The following PDE6B variants were observed in gnomAD, a reference collection of about 807,000 sequenced individuals.
The protein encoded by PDE6B is rod cGMP-specific 3',5'-cyclic phosphodiesterase subunit beta.
A neutral mutation model predicts 109.0 loss-of-function variants in PDE6B; 106 were observed. That is an observed-to-expected ratio of 0.97 (90% CI 0.83 to 1.14). The LOEUF (loss-of-function observed/expected upper bound fraction) is 1.14, where lower values mean the gene tolerates loss of function less well. PDE6B is among the 50% of genes most tolerant of loss of function. The pLI, the probability that PDE6B is intolerant of heterozygous loss-of-function variation, is 0.00. For synonymous variants in PDE6B, 490 were observed against 471.3 expected, an observed-to-expected ratio of 1.04 and a Z score of -0.51; for missense variants, 1,193 against 1,155.6, an observed-to-expected ratio of 1.03 and a Z score of -0.47.
Position 660,484 on chromosome 4 carries a change from G to GC in PDE6B, c.1488dup (p.Thr497HisfsTer4), listed in dbSNP as rs730880317. 7 of 1,613,830 alleles carry GC rather than the reference G, an allele frequency of 4.3e-6. No individual in the cohort carries two copies. Among genetic ancestry groups the GC allele is most frequent in the Non-Finnish European group, 5.9e-6 (7 of 1,179,994 alleles). ...TCCCACAGAAGGAGGAGCTGCCAGG[G>GC]CCCACCACATTTGACATCTACGAAT... On this transcript the variant is annotated frameshift_variant, in exon 12 of 22. Transcript: ENST00000496514. LOFTEE classifies it high-confidence loss of function.
chr4:630,537 T>C (rs1394559743), intron 1 of PDE6B, among the ~76,000 whole-genome samples: 1 of 151,830 alleles, frequency 6.6e-6, no homozygotes. Flanking sequence ...TTCCCTGTGG[T>C]GTTAGGGAAG....
rs1204692489 is a variant in PDE6B, at chr4:660,568, G to T, written c.1569G>T (p.Met523Ile). ...ACCTGGTCAAATGTGGCATCCAGAT[G>T]TACTACGAGCTGGGCGTGGTCCGAA... ...ELDLVKCGIQ[M>I]YYELGVVRKF... Residue 523 changes from methionine (M) to isoleucine (I), a missense_variant, in exon 12 of 22, where the codon ATG becomes ATT. Met to Ile is a conservative substitution (Grantham distance 10). Transcript: ENST00000496514. 4 of 1,613,838 alleles carry T rather than the reference G, an allele frequency of 2.5e-6. No homozygotes were observed. The East Asian group carries it at 8.9e-5, about 36-fold the overall frequency.
intron 3 of PDE6B, chr4:652,406 A>G: frequency 1.7e-6 from 1 of 582,024 alleles, no homozygotes; most frequent in Non-Finnish European, 2.2e-6. Context: ...AGGGGGTTGC[A>G]GGAGGCCGGG....
chr4:649,551 C>T (rs1409146793), intron 3 of PDE6B, among the ~76,000 whole-genome samples: 2 of 152,108 alleles, frequency 1.3e-5, no homozygotes, highest in African/African-American at 2.4e-5. Flanking sequence ...CCCAGGCACT[C>T]GCTGGGGTCC....
chr4:664,857 C>A, intron 17 of PDE6B, 24 bp from the exon 18 acceptor site: 1 of 1,605,520 alleles, frequency 6.2e-7, no homozygotes, highest in Non-Finnish European at 8.5e-7. Flanking sequence ...CCCATCAGCA[C>A]TCGTGCCCGG....
intron 9 of PDE6B, 34 bp from the exon 10 acceptor site, chr4:657,317 C>A: frequency 1.9e-6 from 3 of 1,611,696 alleles, no homozygotes; most frequent in Non-Finnish European, 2.5e-6. Flanking sequence ...GCGCCGGGAG[C>A]GCTGAGCGCC....
Position 625,655 on chromosome 4 carries a change from GCTTT to G in PDE6B, c.32_35del (p.Phe11TrpfsTer16). ...AGCCTCAGTGAGGAGCAGGCCCGGA[GCTTT>G]CTGGACCAGAACCCCGATTTTGCCC... On this transcript the variant is annotated frameshift_variant, in exon 1 of 22. Coordinates refer to ENST00000496514, the MANE Select transcript of PDE6B (RefSeq NM_000283.4). LOFTEE classifies it high-confidence loss of function. The surrounding 1 kb of genome is among the most constrained non-coding windows in gnomAD (Gnocchi z 5.0). The G allele has an allele frequency of 6.2e-7, 1 of 1,613,904 alleles. No individual in the cohort carries two copies. Among genetic ancestry groups the G allele is most frequent in the Non-Finnish European group, 8.5e-7 (1 of 1,179,892 alleles).
At position 665,134 on chromosome 4, in the gene PDE6B, G is replaced by A. The variant is rs1281460687; in HGVS notation, c.2194-121G>A. 1 of 855,598 alleles carries A rather than the reference G, an allele frequency of 1.2e-6. No homozygotes were observed. Among genetic ancestry groups the A allele is most frequent in the East Asian group, 2.6e-5 (1 of 39,110 alleles). 53.0% of individuals were successfully genotyped at this position (855,598 alleles called of 1,614,324 possible). ...CTACATGGCTCAACCGGAGCCCTGT[G>A]TGGTGGGGACCCCGGGGGTCTGGGG... On this transcript the variant is annotated intron_variant, in intron 18 of 21. Coordinates refer to ENST00000496514, the MANE Select transcript of PDE6B (RefSeq NM_000283.4). The surrounding 1 kb of genome is among the most constrained non-coding windows in gnomAD (Gnocchi z 4.0).
rs571526081 is a variant in PDE6B at position 659,319 on chromosome 4, T to A, written c.1467+302T>A. On this transcript the variant is annotated intron_variant, in intron 11 of 21. Coordinates refer to ENST00000496514, the MANE Select transcript of PDE6B (RefSeq NM_000283.4). ...TCTCCTCTGTGCTTTGCCAGATGTT[T>A]AGTTTTCACCGGATGTTTAGTGGGC... is the stretch of plus-strand genomic sequence containing the variant. Among the ~76,000 whole-genome samples the A allele has an allele frequency of 5.3e-5, 8 of 152,318 alleles. No individual in the cohort carries two copies. In the East Asian group the frequency reaches 1.4e-3, roughly 26 times the overall value.
rs1413602303 is a variant in PDE6B at position 670,396 on chromosome 4, C to A, written c.*289C>A. ...TAGCTGGGACTACAGGCGCCCACCA[C>A]CACACATGGCTAATTTTTGTATTTT... is the stretch of plus-strand genomic sequence containing the variant. On this transcript the variant is annotated 3_prime_UTR_variant, in exon 22 of 22. Transcript: ENST00000496514. The A allele has an allele frequency of 8.0e-6, 3 of 373,026 alleles. No homozygotes were observed. The highest frequency in any genetic ancestry group is 1.5e-5 in the Non-Finnish European group (3 of 197,626). The allele number at this position is 373,026 out of a possible 1,614,324, so 23.1% of individuals were successfully genotyped here.
chr4:630,509 C>G (rs113957194), intron 1 of PDE6B, among the ~76,000 whole-genome samples: 1 of 152,162 alleles, frequency 6.6e-6, no homozygotes, highest in East Asian at 1.9e-4. Context: ...CGATGGCAGA[C>G]TTACAAAAAA....
chr4:635,040 C>T (rs1242423855), intron 2 of PDE6B, among the ~76,000 whole-genome samples: 3 of 121,056 alleles, frequency 2.5e-5, no homozygotes, highest in African/African-American at 7.1e-5. Context: ...CTGTGCTGCG[C>T]GTCCACCTCC....
At chr4:654,966 C>G in intron 6 of PDE6B, 78 bp downstream of exon 6, 5 of 881,546 alleles carry the variant, frequency 5.7e-6, no homozygotes, top group Non-Finnish European at 9.7e-6. Flanking sequence ...CCAGGGCCGT[C>G]CTCCCAGGGC....
rs377399044 is a variant in PDE6B at position 666,563 on chromosome 4, C to T, written c.2301C>T (p.Leu767=). 8 of 1,613,322 alleles carry T rather than the reference C, an allele frequency of 5.0e-6. No homozygotes were observed. The highest frequency in any genetic ancestry group is 4.4e-5 in the South Asian group (4 of 91,076). Residue 767 remains leucine, a synonymous_variant, in exon 20 of 22, where the codon CTC becomes CTT. Coordinates refer to ENST00000496514, the MANE Select transcript of PDE6B (RefSeq NM_000283.4). The surrounding 1 kb of genome is among the most constrained non-coding windows in gnomAD (Gnocchi z 5.6). Reference sequence around the variant, plus strand: ...TGGACCGGAACAAGGCGGCCGAGCTCCCCAAGCTGCAAGTGGGCTTCATCG... The same window carrying T: ...TGGACCGGAACAAGGCGGCCGAGCTTCCCAAGCTGCAAGTGGGCTTCATCG... ...PMMDRNKAAE[L]PKLQVGFIDF...
rs970335956 is a variant in PDE6B at position 666,123 on chromosome 4, C to T, written c.2269-408C>T. On this transcript the variant is annotated intron_variant, in intron 19 of 21. Coordinates refer to ENST00000496514, the MANE Select transcript of PDE6B (RefSeq NM_000283.4). This position sits in a 1 kb window ranked among gnomAD's most constrained non-coding sequence, Gnocchi z 5.6. ...TGACACTAGAAACAGCTCCAGAGCA[C>T]GTCTGTGTCTGCCCCAGGCGAGTGC... Among the ~76,000 whole-genome samples the T allele has an allele frequency of 3.9e-5, 6 of 152,156 alleles. No homozygotes were observed. Among genetic ancestry groups the T allele is most frequent in the Non-Finnish European group, 7.4e-5 (5 of 68,012 alleles).
chr4:645,077 T>C (rs1560109949), intron 3 of PDE6B, among the ~76,000 whole-genome samples: 1 of 152,076 alleles, frequency 6.6e-6, no homozygotes, highest in Non-Finnish European at 1.5e-5. Flanking sequence ...CAATTTTCCT[T>C]GTTCTAAAGT....
chr4:651,989 C>CTGCGGCCAGGGCGGCTCCACGACGGTGAG (rs1735606787), intron 3 of PDE6B: 2 of 179,550 alleles, frequency 1.1e-5, no homozygotes, highest in Non-Finnish European at 2.3e-5. Flanking sequence ...ATGACTGTGA[C>CTGCGGCCAGGGCGGCTCCACGACGGTGAG]TGCGGCCAGG....
In PDE6B at chr4:667,899, G is replaced by A. The variant is rs546425862; in HGVS notation, c.2396G>A (p.Arg799Gln). 1.3e-5 allele frequency: 21 copies of A among 1,613,600 alleles called. No homozygotes were observed. Among genetic ancestry groups the A allele is most frequent in the African/African-American group, 1.1e-4 (8 of 75,042 alleles). The change falls in exon 21 of 22, where the codon CGA becomes CAA. Residue 799 changes from arginine (R) to glutamine (Q), a missense_variant. Arg to Gln is a conservative substitution (Grantham distance 43). Coordinates refer to ENST00000496514, the MANE Select transcript of PDE6B (RefSeq NM_000283.4). ...GAAGAGATCCTGCCCATGTTCGACCGACTGCAGAACAATAGGAAAGAGTGG... is the reference window on the plus strand; with the variant it reads ...GAAGAGATCCTGCCCATGTTCGACCAACTGCAGAACAATAGGAAAGAGTGG... ...FHEEILPMFD[R>Q]LQNNRKEWKA...
chr4:648,781 C>G lies in PDE6B; in HGVS notation c.712-5071C>G, dbSNP rs1385482453. Among the ~76,000 whole-genome samples the G allele has an allele frequency of 6.6e-6, 1 of 152,252 alleles. No homozygotes were observed. ...AGCTGTCTGAGCTGCAGCAAAGCTG[C>G]ATGAAAGGCCTGTGGGTGCAGGGCT... On this transcript the variant is annotated intron_variant, in intron 3 of 21. Coordinates refer to ENST00000496514, the MANE Select transcript of PDE6B (RefSeq NM_000283.4). This position sits in a 1 kb window ranked among gnomAD's most constrained non-coding sequence, Gnocchi z 4.5.
Sources: allele counts gnomAD v4.1 joint callset (sites outside exome capture counted in the v4.1 genomes callset), GRCh38; gene constraint gnomAD v4.1.1; non-coding constraint Gnocchi (gnomAD v3.1); transcripts MANE v1.5; gene names NCBI Gene and HGNC (gene_info 2026-07-23, HGNC 2026-07-21).